Variants in TAOK3 observed in about 807,000 individuals in gnomAD.
TAOK3 encodes TAO kinase 3.
In TAOK3, 40 loss-of-function variants were observed where a neutral mutation model predicts 120.4. That is an observed-to-expected ratio of 0.33 (90% CI 0.26 to 0.43). The LOEUF is 0.43. TAOK3 is among the 20% of genes least tolerant of loss of function. The pLI is 1.00. For synonymous variants in TAOK3, 355 were observed against 387.5 expected, an observed-to-expected ratio of 0.92 and a Z score of 0.99; for missense variants, 821 against 1,112.1, an observed-to-expected ratio of 0.74 and a Z score of 3.72.
intron 1 of TAOK3, among the ~76,000 whole-genome samples, chr12:118,321,004 A>G (rs1421877321): frequency 1.3e-5 from 2 of 152,232 alleles, no homozygotes; most frequent in Non-Finnish European, 2.9e-5. Context: ...CGTAATGTGC[A>G]TACGTATATG....
intron 1 of TAOK3, among the ~76,000 whole-genome samples, chr12:118,315,041 C>G (rs749906980): frequency 1.4e-4 from 21 of 152,066 alleles, no homozygotes; most frequent in Non-Finnish European, 2.9e-4. Context: ...AGCAATTCTC[C>G]TGTCTCAGCC....
At chr12:118,152,632 A>ACGGCG in intron 19 of TAOK3, 1 of 489,906 alleles carries the variant, frequency 2.0e-6, no homozygotes, top group Non-Finnish European at 3.7e-6. Context: ...TATGATCTGA[A>ACGGCG]ACCACAGCAG....
chr12:118,289,957 G>A (rs867756348), intron 1 of TAOK3, among the ~76,000 whole-genome samples: 29 of 150,804 alleles, frequency 1.9e-4, no homozygotes, highest in African/African-American at 7.1e-4. Context: ...TCACACCATT[G>A]CACTCCAGCC....
intron 4 of TAOK3, among the ~76,000 whole-genome samples, chr12:118,244,472 G>T (rs1353228251): frequency 6.8e-6 from 1 of 147,406 alleles, no homozygotes; most frequent in African/African-American, 2.5e-5. Flanking sequence ...TCCACAAGAA[G>T]GAAAAAAAAA....
chr12:118,273,536 C>T (rs1327543868), intron 1 of TAOK3, among the ~76,000 whole-genome samples: 3 of 151,124 alleles, frequency 2.0e-5, no homozygotes, highest in South Asian at 2.1e-4. Flanking sequence ...AAAAATAGGT[C>T]GGGCATAGTG....
intron 11 of TAOK3, among the ~76,000 whole-genome samples, chr12:118,210,959 G>A (rs951241254): frequency 2.6e-5 from 4 of 151,980 alleles, no homozygotes; most frequent in African/African-American, 7.3e-5. Flanking sequence ...GGCTGGTCTC[G>A]AACTGGTGAC....
At chr12:118,226,158 A>G (rs796667104) in intron 9 of TAOK3, among the ~76,000 whole-genome samples, 1 of 152,288 alleles carries the variant, frequency 6.6e-6, no homozygotes, top group African/African-American at 2.4e-5. Flanking sequence ...GGCAGATCAC[A>G]AGGTCAGGAG....
rs374028494 is a variant in TAOK3, at chr12:118,254,305, A to ACCATCCAT, written c.120+1135_120+1142dup. 5.8e-3 allele frequency among the ~76,000 whole-genome samples: 887 copies of ACCATCCAT among 151,802 alleles called. 5 individuals carry two copies. The highest frequency in any genetic ancestry group is 0.02 in the African/African-American group (834 of 41,362). The stretch of plus-strand genomic sequence containing the variant: ...TGTTCATCTGTTTATCTGTCTATCC[A>ACCATCCAT]CCATCCATCCATCCATCCATCCATC... On this transcript the variant is annotated intron_variant, in intron 3 of 20. Coordinates refer to ENST00000392533, the MANE Select transcript of TAOK3 (RefSeq NM_016281.4).
At chr12:118,242,858 CCAAACAAACAAA>C (rs56963963) in intron 5 of TAOK3, among the ~76,000 whole-genome samples, 3 of 150,814 alleles carry the variant, frequency 2.0e-5, no homozygotes, top group African/African-American at 7.3e-5. Flanking sequence ...GAATCTGTCT[CCAAACAAACAAA>C]CAAACAAACA....
At position 118,252,580 on chromosome 12, in the gene TAOK3, C is replaced by T. The variant is rs570808915; in HGVS notation, c.120+2868G>A. Among the ~76,000 whole-genome samples, 6 of 152,058 alleles carry T rather than the reference C, an allele frequency of 3.9e-5. No individual in the cohort carries two copies. The South Asian group carries it at 1.2e-3, about 32-fold the overall frequency. On this transcript the variant is annotated intron_variant, in intron 3 of 20. Transcript: ENST00000392533. ...ATAGATATGTATATTGTATATACTT[C>T]TTTATGTATACTTATAATAAAAACG...
chr12:118,179,774 A>G (rs2036582326), intron 15 of TAOK3, among the ~76,000 whole-genome samples: 1 of 150,964 alleles, frequency 6.6e-6, no homozygotes, highest in African/African-American at 2.4e-5. Context: ...CCTCCCGAGT[A>G]GCTGGGATTA....
chr12:118,193,922 C>A (rs187756448), intron 13 of TAOK3, among the ~76,000 whole-genome samples: 1 of 152,330 alleles, frequency 6.6e-6, no homozygotes, highest in East Asian at 1.9e-4. Context: ...AAATCTTAGT[C>A]TCCCTAGCAC....
intron 10 of TAOK3, 115 bp downstream of exon 10, chr12:118,213,902 A>T (rs779916339): frequency 1.1e-6 from 1 of 875,364 alleles, no homozygotes; most frequent in East Asian, 2.6e-5. Context: ...TTGTAACAAC[A>T]TACAGTGAAG....
At chr12:118,156,757 T>G (rs2034855740) in intron 19 of TAOK3, among the ~76,000 whole-genome samples, 1 of 151,870 alleles carries the variant, frequency 6.6e-6, no homozygotes, top group Non-Finnish European at 1.5e-5. Context: ...TTTTTTTAGA[T>G]GGAGTCTCAC....
intron 9 of TAOK3, among the ~76,000 whole-genome samples, chr12:118,220,516 C>A (rs562318861): frequency 6.6e-6 from 1 of 151,740 alleles, no homozygotes; most frequent in South Asian, 2.1e-4. Flanking sequence ...AGGACCAGAA[C>A]CCTCCCACTT....
chr12:118,338,862 GA>G (rs144692996), intron 1 of TAOK3, among the ~76,000 whole-genome samples: 1 of 151,570 alleles, frequency 6.6e-6, no homozygotes, highest in African/African-American at 2.4e-5. Context: ...GGGAACTGGG[GA>G]GGCTTTAAAG....
chr12:118,219,525 C>CA (rs1182061391), intron 9 of TAOK3, among the ~76,000 whole-genome samples: 2 of 152,292 alleles, frequency 1.3e-5, no homozygotes, highest in African/African-American at 4.8e-5. Context: ...CCTGACCTCT[C>CA]AGACTAGGTC....
intron 9 of TAOK3, 105 bp downstream of exon 9, chr12:118,233,569 A>C: frequency 1.1e-6 from 1 of 886,786 alleles, no homozygotes; most frequent in East Asian, 2.6e-5. Context: ...AGTAATAGCC[A>C]GATGAATAAC....
At chr12:118,207,353 A>G (rs1321121997) in intron 11 of TAOK3, among the ~76,000 whole-genome samples, 2 of 151,970 alleles carry the variant, frequency 1.3e-5, no homozygotes, top group East Asian at 3.9e-4. Flanking sequence ...AAAGAAAGAA[A>G]ATCACCCGAA....
Sources: gnomAD v4.1 joint callset for allele counts (sites outside exome capture counted in the v4.1 genomes callset) on GRCh38, gnomAD v4.1.1 for gene constraint, MANE v1.5 for transcripts, NCBI Gene and HGNC (gene_info 2026-07-23, HGNC 2026-07-21) for gene names.